KIAA0319L: variants seen among roughly 807,000 people sequenced by gnomAD.
The protein encoded by KIAA0319L is KIAA0319 like, also known as dyslexia-associated protein KIAA0319-like protein.
A neutral mutation model predicts 120.1 loss-of-function variants in KIAA0319L; 55 were observed. The ratio of observed to expected loss-of-function variants is 0.46; its 90% CI spans 0.37 to 0.57. The LOEUF is 0.57. Among genes scored for constraint, KIAA0319L ranks in the 20% least tolerant of loss-of-function variants. KIAA0319L has a pLI of 0.00. For missense variants in KIAA0319L, 1,049 were observed against 1,255.3 expected, an observed-to-expected ratio of 0.84 and a Z score of 2.48; for synonymous variants, 398 against 471.9, an observed-to-expected ratio of 0.84 and a Z score of 2.03.
At chr1:35,514,114 G>A (rs994763563) in intron 2 of KIAA0319L, among the ~76,000 whole-genome samples, 1 of 152,064 alleles carries the variant, frequency 6.6e-6, no homozygotes, top group Non-Finnish European at 1.5e-5. Context: ...CTGGGGTAAT[G>A]GTTAAGTGAA....
intron 2 of KIAA0319L, among the ~76,000 whole-genome samples, chr1:35,517,268 CA>C (rs1645721323): frequency 6.6e-6 from 1 of 152,074 alleles, no homozygotes; most frequent in Admixed American, 6.6e-5. Context: ...AATGCTAAGC[CA>C]AAAGACCAAA....
intron 2 of KIAA0319L, among the ~76,000 whole-genome samples, chr1:35,534,425 A>C (rs1356302738): frequency 6.6e-6 from 1 of 152,376 alleles, no homozygotes; most frequent in Non-Finnish European, 1.5e-5. Flanking sequence ...GATGGAAAAC[A>C]AGCTTCCAAG....
intron 2 of KIAA0319L, among the ~76,000 whole-genome samples, chr1:35,526,338 T>C (rs1646128269): frequency 6.8e-6 from 1 of 146,814 alleles, no homozygotes; most frequent in South Asian, 2.1e-4. Flanking sequence ...TGTATATGTA[T>C]ATATGTACGT....
At chr1:35,442,437 A>G in intron 18 of KIAA0319L, 101 bp from the exon 19 acceptor site, 4 of 864,966 alleles carry the variant, frequency 4.6e-6, no homozygotes, top group Non-Finnish European at 7.9e-6. Flanking sequence ...CTCTGGAGAC[A>G]AGAATGCCTC....
intron 5 of KIAA0319L, among the ~76,000 whole-genome samples, chr1:35,473,365 C>G (rs1369317495): frequency 6.6e-6 from 1 of 151,858 alleles, no homozygotes; most frequent in African/African-American, 2.4e-5. Context: ...CCCAAAGTAC[C>G]AGGATTACAA....
At chr1:35,532,308 G>A (rs1295680763) in intron 2 of KIAA0319L, among the ~76,000 whole-genome samples, 1 of 151,222 alleles carries the variant, frequency 6.6e-6, no homozygotes, top group Non-Finnish European at 1.5e-5. Context: ...GTGGGATTTT[G>A]ACTGAGTTTT....
Position 35,453,751 on chromosome 1 carries a change from AT to A in KIAA0319L, c.1781-63del, listed in dbSNP as rs1642230972. 6.6e-7 allele frequency: 1 copy of A among 1,522,000 alleles called. No homozygotes were observed. The highest frequency in any genetic ancestry group is 8.9e-7 in the Non-Finnish European group (1 of 1,119,898). The allele number at this position is 1,522,000 out of a possible 1,614,324, so 94.3% of individuals were successfully genotyped here. ...TCCAGGTGGGAAAGGAGAGGAACCA[AT>A]TGGGACACATGTTCTGGAAGCCATG... is the stretch of plus-strand genomic sequence containing the variant. On this transcript the variant is annotated intron_variant, in intron 11 of 20. Coordinates refer to ENST00000325722, the MANE Select transcript of KIAA0319L (RefSeq NM_024874.5). The surrounding 1 kb of genome is among the most constrained non-coding windows in gnomAD (Gnocchi z 4.1).
chr1:35,464,787 C>T (rs2149112936), intron 7 of KIAA0319L, among the ~76,000 whole-genome samples: 1 of 152,326 alleles, frequency 6.6e-6, no homozygotes, highest in East Asian at 1.9e-4. Flanking sequence ...CCCAGGTTCT[C>T]AGTGCTGTGT....
At chr1:35,528,280 A>G (rs1646232110) in intron 2 of KIAA0319L, among the ~76,000 whole-genome samples, 1 of 152,122 alleles carries the variant, frequency 6.6e-6, no homozygotes, top group Non-Finnish European at 1.5e-5. Context: ...CAGGGTCTCA[A>G]TATGTTGTCC....
chr1:35,470,384 T>C (rs1255671062), intron 6 of KIAA0319L, among the ~76,000 whole-genome samples: 1 of 149,884 alleles, frequency 6.7e-6, no homozygotes, highest in Non-Finnish European at 1.5e-5. Context: ...TCTCAGCTAC[T>C]CAGGAGGCTG....
intron 2 of KIAA0319L, among the ~76,000 whole-genome samples, chr1:35,534,193 T>C (rs1416841220): frequency 6.6e-6 from 1 of 152,218 alleles, no homozygotes; most frequent in African/African-American, 2.4e-5. Flanking sequence ...TTGCTAAGAG[T>C]ACAGTTTTTT....
intron 2 of KIAA0319L, among the ~76,000 whole-genome samples, chr1:35,521,127 G>C (rs1450033476): frequency 6.6e-6 from 1 of 151,488 alleles, no homozygotes; most frequent in Non-Finnish European, 1.5e-5. Context: ...GATCATTTGA[G>C]GTCAGGAGTT....
At chr1:35,539,283 G>C (rs1238816046) in intron 2 of KIAA0319L, among the ~76,000 whole-genome samples, 23 of 152,202 alleles carry the variant, frequency 1.5e-4, no homozygotes, top group Admixed American at 1.5e-3. Context: ...GCTTGTCAGA[G>C]AAAGTCTCCA....
At chr1:35,496,635 A>G (rs1486924677) in intron 3 of KIAA0319L, among the ~76,000 whole-genome samples, 4 of 152,180 alleles carry the variant, frequency 2.6e-5, no homozygotes, top group African/African-American at 7.2e-5. Flanking sequence ...AATACTACTT[A>G]GGAATTTTCA....
At chr1:35,452,874 A>AC (rs1642167670) in intron 12 of KIAA0319L, among the ~76,000 whole-genome samples, 1 of 152,126 alleles carries the variant, frequency 6.6e-6, no homozygotes, top group African/African-American at 2.4e-5. Flanking sequence ...ACAAAAAAAA[A>AC]CCCAGGCTGT....
At chr1:35,548,696 C>T (rs1647080209) in intron 2 of KIAA0319L, among the ~76,000 whole-genome samples, 1 of 151,904 alleles carries the variant, frequency 6.6e-6, no homozygotes, top group Non-Finnish European at 1.5e-5. Context: ...GACCATCTAC[C>T]TAAAAAGTTT....
At chr1:35,555,884 T>A (rs553598336) in intron 1 of KIAA0319L, among the ~76,000 whole-genome samples, 1 of 152,322 alleles carries the variant, frequency 6.6e-6, no homozygotes, top group Non-Finnish European at 1.5e-5. Flanking sequence ...ACCACTGGAC[T>A]AACAAGCTGA....
intron 6 of KIAA0319L, among the ~76,000 whole-genome samples, chr1:35,468,481 T>C (rs1246415212): frequency 6.6e-6 from 1 of 152,102 alleles, no homozygotes; most frequent in Non-Finnish European, 1.5e-5. Context: ...CCAGTCCCTT[T>C]CCCCCAGCTA....
chr1:35,479,947 CAAAA>C (rs71062878), intron 3 of KIAA0319L, among the ~76,000 whole-genome samples: 1 of 32,290 alleles, frequency 3.1e-5, no homozygotes, highest in African/African-American at 1.0e-4. Flanking sequence ...TATGATGAGC[CAAAA>C]AAAAAAAAAA....
Sources: allele counts gnomAD v4.1 joint callset (sites outside exome capture counted in the v4.1 genomes callset), GRCh38; gene constraint gnomAD v4.1.1; non-coding constraint Gnocchi (gnomAD v3.1); transcripts MANE v1.5; gene names NCBI Gene and HGNC (gene_info 2026-07-23, HGNC 2026-07-21).